The following LRRC71 variants were observed in gnomAD, a reference collection of about 807,000 sequenced individuals.
LRRC71 encodes the protein leucine rich repeat containing 71, also known as leucine-rich repeat-containing protein 71.
LRRC71 carries 54 observed loss-of-function variants against 66.6 expected under a neutral mutation model. The ratio of observed to expected loss-of-function variants is 0.81; its 90% CI spans 0.65 to 1.02. The LOEUF (loss-of-function observed/expected upper bound fraction) is 1.02, where lower values mean the gene tolerates loss of function less well. Ranked by LOEUF, LRRC71 falls within the 50% of genes least tolerant of loss-of-function variation. The pLI, the probability that LRRC71 is intolerant of heterozygous loss-of-function variation, is 0.00. For synonymous variants in LRRC71, 323 were observed against 303.9 expected (o/e 1.06, Z -0.65); for missense variants, 724 against 718.0 (o/e 1.01, Z -0.10).
At chr1:156,928,307 A>G (rs546636267) in intron 9 of LRRC71, among the ~76,000 whole-genome samples, 1 of 150,618 alleles carries the variant, frequency 6.6e-6, no homozygotes, top group South Asian at 2.2e-4. Context: ...GCATGTTACT[A>G]AACAACTTCT....
Position 156,931,933 on chromosome 1 carries a change from T to C in LRRC71, c.1347T>C (p.Thr449=). ...TTTAGCAGCTGGTTGTTGAGGCTAC[T>C]GAGGTGGTCAACCCTCTCCTGGAGC... The part of the protein sequence containing the change: ...LLESELVVEA[T]EVVNPLLEPV... Residue 449 remains threonine, a synonymous_variant, in exon 13 of 15, where the codon ACT becomes ACC. Transcript: ENST00000337428. 6.3e-7 allele frequency: 1 copy of C among 1,591,084 alleles called. No homozygotes were observed. The highest frequency in any genetic ancestry group is 1.8e-5 in the Admixed American group (1 of 56,784).
chr1:156,932,110 T>G (rs1264756779), intron 13 of LRRC71, 83 bp downstream of exon 13: 2 of 1,106,752 alleles, frequency 1.8e-6, no homozygotes, highest in Non-Finnish European at 2.7e-6. Context: ...CCCGACTCTA[T>G]GGAGCAGAGC....
chr1:156,939,339 A>G, the LRRC71 span: 9 of 644,444 alleles, frequency 1.4e-5, no homozygotes, highest in Non-Finnish European at 2.1e-5. Context: ...CCACACAGAT[A>G]TTAAGTGGCA....
intron 12 of LRRC71, among the ~76,000 whole-genome samples, chr1:156,931,663 CGTGCTCCCACA>C (rs542194791): frequency 1.1e-3 from 164 of 152,240 alleles, no homozygotes; most frequent in African/African-American, 3.9e-3. Context: ...TGGCCTTTTC[CGTGCTCCCACA>C]GTGCTCTGAG....
At chr1:156,924,745 G>C (rs1169859997) in intron 4 of LRRC71, 27 bp downstream of exon 4, 3 of 1,550,810 alleles carry the variant, frequency 1.9e-6, no homozygotes, top group African/African-American at 1.4e-5. Context: ...GGATGGGCGG[G>C]GGACCAGAGT....
At chr1:156,937,504 C>A, downstream of LRRC71, 1 of 1,515,450 alleles carries the variant, frequency 6.6e-7, no homozygotes, top group East Asian at 2.3e-5. Context: ...TCCCTGTCCC[C>A]ACAGTAAGAG....
chr1:156,926,468 G>A (rs1004502774), intron 5 of LRRC71, among the ~76,000 whole-genome samples: 3 of 152,266 alleles, frequency 2.0e-5, no homozygotes, highest in Admixed American at 6.5e-5. Flanking sequence ...CACTCAAGAC[G>A]GAAGCCACCG....
rs58180096 is a variant in LRRC71, at chr1:156,928,563, CTTTTTT to C, written c.996+577_996+582del. 1.8e-3 allele frequency among the ~76,000 whole-genome samples: 145 copies of C among 80,226 alleles called. 3 individuals are homozygous for C. Among genetic ancestry groups the C allele is most frequent in the Admixed American group, 7.1e-3 (41 of 5,762 alleles). 52.6% of individuals were successfully genotyped at this position (80,226 alleles called of 152,430 possible). ...CTTCCTTTCTTCTTTCTTCTTCTTACTTTTTTTTTTTTTTTTTTTTTTTGGGAGATG... is the reference window on the plus strand; with the variant it reads ...CTTCCTTTCTTCTTTCTTCTTCTTACTTTTTTTTTTTTTTTTTGGGAGATG... On this transcript the variant is annotated intron_variant, in intron 9 of 14. Transcript: ENST00000337428.
downstream of LRRC71, chr1:156,937,424 C>A (rs565501314): frequency 1.5e-5 from 23 of 1,579,462 alleles, 1 homozygote; most frequent in South Asian, 1.7e-4. Context: ...CTGAGGGGGG[C>A]TCATGGGTGC....
Position 156,932,468 on chromosome 1 carries a change from G to T in LRRC71, c.1486G>T (p.Val496Leu). The T allele has an allele frequency of 6.2e-7, 1 of 1,613,920 alleles. No homozygotes were observed. Among genetic ancestry groups the T allele is most frequent in the Non-Finnish European group, 8.5e-7 (1 of 1,179,868 alleles). The part of the protein sequence containing the change: ...EVGLEGFLAT[V>L]QYQMQFSKAK... The stretch of plus-strand genomic sequence containing the variant: ...GGGGCTGGAGGGCTTCCTCGCCACG[G>T]TGCAGTATCAGATGCAGTTCTCCAA... Residue 496 changes from valine to leucine, a missense_variant, in exon 14 of 15, where the codon GTG becomes TTG. Coordinates refer to ENST00000337428, the MANE Select transcript of LRRC71 (RefSeq NM_144702.3).
intron 1 of LRRC71, among the ~76,000 whole-genome samples, chr1:156,923,371 C>T (rs562440987): frequency 1.3e-5 from 2 of 152,250 alleles, no homozygotes; most frequent in East Asian, 1.9e-4. Context: ...GTGGTGGGCG[C>T]GTGTGAATTA....
chr1:156,924,397 C>G, intron 2 of LRRC71, 27 bp from the exon 3 acceptor site: 2 of 1,543,814 alleles, frequency 1.3e-6, no homozygotes, highest in Non-Finnish European at 1.7e-6. Flanking sequence ...GTGGCTGTTC[C>G]CCTCCCTCCT....
Position 156,932,018 on chromosome 1 carries a change from A to C in LRRC71, c.1432A>C (p.Asn478His), listed in dbSNP as rs1654438260. 6.3e-7 allele frequency: 1 copy of C among 1,591,630 alleles called. No homozygotes were observed. ...MPGNKVLLHL[N>H]LIRNRITEVG... ...TGGGAACAAGGTCCTTTTGCACCTC[A>C]ACCTCATCCGTATGTCTGCCAACCT... is the stretch of plus-strand genomic sequence containing the variant. The change falls in exon 13 of 15, where the codon AAC (asparagine) becomes CAC (histidine). Residue 478 changes from asparagine to histidine, a missense_variant. By Grantham distance (68) the Asn-to-His change is moderately conservative. Transcript: ENST00000337428.
chr1:156,938,017 G>A (rs1330989630), downstream of LRRC71, among the ~76,000 whole-genome samples: 1 of 152,216 alleles, frequency 6.6e-6, no homozygotes, highest in Admixed American at 6.5e-5. Context: ...AGGAAGCACA[G>A]AGAACCACCG....
In LRRC71 at chr1:156,933,021, G is replaced by A. The variant is rs1654629792; in HGVS notation, c.*52G>A. On this transcript the variant is annotated 3_prime_UTR_variant, in exon 15 of 15. Coordinates refer to ENST00000337428, the MANE Select transcript of LRRC71 (RefSeq NM_144702.3). ...ACTCGGGGCTACAGAAGCACCTCCT[G>A]TCCCTGTGTGGGGTGACCTCCCTGG... The A allele has an allele frequency of 7.2e-7, 1 of 1,383,904 alleles. No homozygotes were observed. The highest frequency in any genetic ancestry group is 1.0e-6 in the Non-Finnish European group (1 of 999,690). The allele number at this position is 1,383,904 out of a possible 1,614,324, so 85.7% of individuals were successfully genotyped here. A position where few individuals can be genotyped will look rare whatever the true frequency, so the allele number is the denominator to read the frequency against.
At chr1:156,934,593 A>C (rs1210095416), downstream of LRRC71, among the ~76,000 whole-genome samples, 1 of 151,986 alleles carries the variant, frequency 6.6e-6, no homozygotes, top group Non-Finnish European at 1.5e-5. Context: ...CTATATATAT[A>C]TCTGTGTGTG....
intron 11 of LRRC71, 73 bp from the exon 12 acceptor site, chr1:156,930,456 T>C (rs1654193092): frequency 7.2e-7 from 1 of 1,385,750 alleles, no homozygotes; most frequent in Non-Finnish European, 9.9e-7. Flanking sequence ...TCACAGCCTG[T>C]TTTCTCTGGG....
rs1162317183 is a variant in LRRC71, at chr1:156,927,290, C to T, written c.662+20C>T. Reference sequence around the variant, plus strand: ...CAGCACGTGAGACTCCCTGCCCTCACCCCCTTTCTCTGGGCCTGTCTCGAA... The same window carrying T: ...CAGCACGTGAGACTCCCTGCCCTCATCCCCTTTCTCTGGGCCTGTCTCGAA... On this transcript the variant is annotated intron_variant, in intron 6 of 14. Coordinates refer to ENST00000337428, the MANE Select transcript of LRRC71 (RefSeq NM_144702.3). 1.2e-6 allele frequency: 2 copies of T among 1,609,890 alleles called. No individual in the cohort carries two copies. Among genetic ancestry groups the T allele is most frequent in the Non-Finnish European group, 1.7e-6 (2 of 1,176,524 alleles).
intron 1 of LRRC71, among the ~76,000 whole-genome samples, chr1:156,923,115 C>T (rs947394650): frequency 2.0e-5 from 3 of 152,240 alleles, no homozygotes; most frequent in Non-Finnish European, 4.4e-5. Flanking sequence ...TCCTCCACTC[C>T]CTCAGGCAGG....
Sources: allele counts gnomAD v4.1 joint callset (sites outside exome capture counted in the v4.1 genomes callset), GRCh38; gene constraint gnomAD v4.1.1; transcripts MANE v1.5; gene names NCBI Gene and HGNC (gene_info 2026-07-23, HGNC 2026-07-21).